ADAMTSL3: variants seen among roughly 807,000 people sequenced by gnomAD.
ADAMTSL3 encodes the protein ADAMTS like 3.
Under a neutral mutation model 201.7 loss-of-function variants are expected in ADAMTSL3, and 128 were observed. The observed-to-expected ratio is 0.63, with a 90% CI of 0.55 to 0.73. The LOEUF is 0.73. Ranked by LOEUF, ADAMTSL3 falls within the 30% of genes least tolerant of loss-of-function variation. The probability of loss-of-function intolerance (pLI) is 0.00; values close to 1 mark genes in which losing one functional copy is unlikely to be tolerated. For missense variants in ADAMTSL3, 1,990 were observed against 2,119.6 expected, an observed-to-expected ratio of 0.94 and a Z score of 1.20; for synonymous variants, 738 against 748.4, an observed-to-expected ratio of 0.99 and a Z score of 0.23.
At chr15:83,823,961 CT>C (rs1567169914) in intron 6 of ADAMTSL3, among the ~76,000 whole-genome samples, 1,109 of 87,462 alleles carry the variant, frequency 0.013, 17 homozygotes, top group Non-Finnish European at 0.015. Flanking sequence ...TCTTCTTCTT[CT>C]TCTTCTTCTT....
chr15:83,677,468 A>G (rs1307412744), intron 2 of ADAMTSL3, among the ~76,000 whole-genome samples: 1 of 151,528 alleles, frequency 6.6e-6, no homozygotes, highest in African/African-American at 2.4e-5. Flanking sequence ...TTTGGTGCAT[A>G]CACATTTAGA....
At chr15:83,884,982 G>C in intron 9 of ADAMTSL3, 119 bp from the exon 10 acceptor site, 1 of 649,348 alleles carries the variant, frequency 1.5e-6, no homozygotes, top group Non-Finnish European at 2.7e-6. Flanking sequence ...TTGCCCCATA[G>C]TTTTTCTAAT....
At chr15:83,886,558 TG>T (rs997456601) in intron 10 of ADAMTSL3, among the ~76,000 whole-genome samples, 3 of 152,162 alleles carry the variant, frequency 2.0e-5, no homozygotes, top group African/African-American at 4.8e-5. Flanking sequence ...CTTTGCCCTT[TG>T]CCTCCCCTAA....
chr15:83,679,305 A>C (rs1215778975), intron 2 of ADAMTSL3, among the ~76,000 whole-genome samples: 1 of 152,118 alleles, frequency 6.6e-6, no homozygotes, highest in East Asian at 1.9e-4. Context: ...ATTGGCAGAT[A>C]ATTTGAACAT....
At chr15:83,952,502 C>T (rs1338179548) in intron 19 of ADAMTSL3, among the ~76,000 whole-genome samples, 3 of 152,112 alleles carry the variant, frequency 2.0e-5, no homozygotes, top group Non-Finnish European at 2.9e-5. Flanking sequence ...TGTTGGTTTT[C>T]GGCCTGGAAG....
chr15:83,910,747 G>T (rs546037290), intron 15 of ADAMTSL3, among the ~76,000 whole-genome samples: 1 of 150,084 alleles, frequency 6.7e-6, no homozygotes, highest in Non-Finnish European at 1.5e-5. Flanking sequence ...CGATTCTCCT[G>T]CCTCAGCCTC....
chr15:83,713,680 C>T (rs940387235), intron 3 of ADAMTSL3, among the ~76,000 whole-genome samples: 3 of 152,174 alleles, frequency 2.0e-5, no homozygotes, highest in Non-Finnish European at 4.4e-5. Context: ...CAAGAAAAGA[C>T]TTCGCCGATT....
chr15:84,035,487 A>G (rs944839425), intron 28 of ADAMTSL3, among the ~76,000 whole-genome samples: 1 of 152,182 alleles, frequency 6.6e-6, no homozygotes, highest in Non-Finnish European at 1.5e-5. Flanking sequence ...TACTGGGGAA[A>G]ACAAAAGCAG....
chr15:83,662,797 A>T (rs1251407020), intron 2 of ADAMTSL3, among the ~76,000 whole-genome samples: 1 of 151,882 alleles, frequency 6.6e-6, no homozygotes, highest in South Asian at 2.1e-4. Context: ...TTTCTTCTGG[A>T]TCTAGCTTTC....
In ADAMTSL3 at chr15:84,021,482, G is replaced by T. The variant is rs1395755961; in HGVS notation, c.4346G>T (p.Arg1449Ile). The T allele has an allele frequency of 2.5e-6, 4 of 1,614,040 alleles. No individual in the cohort carries two copies. Among genetic ancestry groups the T allele is most frequent in the African/African-American group, 1.3e-5 (1 of 74,926 alleles). The change falls in exon 26 of 30, where the codon AGA becomes ATA. Residue 1449 changes from arginine to isoleucine, a missense_variant. Arg to Ile is a moderately conservative substitution (Grantham distance 97). Transcript: ENST00000286744. ...TCGHLGARIQ[R>I]PQCVMANGQE... ...GGTCATTTGGGAGCCCGCATTCAGA[G>T]ACCCCAGTGTGTGATGGCCAATGGG...
At chr15:83,889,544 G>A (rs1021373797) in intron 10 of ADAMTSL3, among the ~76,000 whole-genome samples, 2 of 152,116 alleles carry the variant, frequency 1.3e-5, no homozygotes, top group African/African-American at 4.8e-5. Context: ...TACGTAAGAC[G>A]GTTGCATATT....
intron 2 of ADAMTSL3, among the ~76,000 whole-genome samples, chr15:83,685,011 G>A (rs74024539): frequency 0.022 from 3,411 of 152,158 alleles, 126 homozygotes; most frequent in African/African-American, 0.075. Context: ...ACTTGATATT[G>A]TCGGGCTTTT....
At chr15:83,798,578 C>T (rs1057302229) in intron 4 of ADAMTSL3, among the ~76,000 whole-genome samples, 4 of 151,890 alleles carry the variant, frequency 2.6e-5, no homozygotes, top group South Asian at 2.1e-4. Context: ...GAGGCCGAGG[C>T]GGGCGGATCA....
At chr15:83,692,294 T>C (rs2061620038) in intron 2 of ADAMTSL3, among the ~76,000 whole-genome samples, 1 of 152,152 alleles carries the variant, frequency 6.6e-6, no homozygotes, top group Non-Finnish European at 1.5e-5. Context: ...AAGGATTTTT[T>C]TTTTGTGGTT....
chr15:84,012,480 G>A lies in ADAMTSL3; in HGVS notation c.3974-2062G>A, dbSNP rs562511414. On this transcript the variant is annotated intron_variant, in intron 23 of 29. Coordinates refer to ENST00000286744, the MANE Select transcript of ADAMTSL3 (RefSeq NM_207517.3). ...AAAACTAGCAATGGTGGGTTAGGTTGCTCTGACACTTTGAATCTCTCTGAA... is the reference window on the plus strand; with the variant it reads ...AAAACTAGCAATGGTGGGTTAGGTTACTCTGACACTTTGAATCTCTCTGAA... Among the ~76,000 whole-genome samples, 8 of 152,166 alleles carry A rather than the reference G, an allele frequency of 5.3e-5. No homozygotes were observed. The East Asian group carries it at 1.5e-3, about 29-fold the overall frequency.
chr15:83,900,510 A>G (rs2065703036), intron 15 of ADAMTSL3, among the ~76,000 whole-genome samples: 1 of 152,264 alleles, frequency 6.6e-6, no homozygotes. Context: ...AAGTAATTGA[A>G]CAGAACAGCT....
At chr15:83,940,247 GGGCTTTATCTAATTTA>G (rs1439532794) in intron 17 of ADAMTSL3, among the ~76,000 whole-genome samples, 1 of 152,150 alleles carries the variant, frequency 6.6e-6, no homozygotes, top group Non-Finnish European at 1.5e-5. Context: ...CTAAGTATTT[GGGCTTTATCTAATTTA>G]GTTCCACTGT....
intron 2 of ADAMTSL3, among the ~76,000 whole-genome samples, chr15:83,702,785 C>T (rs1043797153): frequency 7.2e-5 from 11 of 152,286 alleles, no homozygotes; most frequent in East Asian, 3.9e-4. Context: ...AATAGCAGTA[C>T]GGAAGGGAAA....
At chr15:84,009,130 C>T (rs1255707181) in intron 23 of ADAMTSL3, among the ~76,000 whole-genome samples, 1 of 152,172 alleles carries the variant, frequency 6.6e-6, no homozygotes, top group Non-Finnish European at 1.5e-5. Flanking sequence ...TCAAAGCAGT[C>T]CTTTAGAAAC....
Sources: allele counts gnomAD v4.1 joint callset (sites outside exome capture counted in the v4.1 genomes callset), GRCh38; gene constraint gnomAD v4.1.1; transcripts MANE v1.5; gene names NCBI Gene and HGNC (gene_info 2026-07-23, HGNC 2026-07-21).